Variants in DNM1L observed in about 807,000 individuals in gnomAD.
DNM1L encodes dynamin 1L.
Under a neutral mutation model 92.8 loss-of-function variants are expected in DNM1L, and 33 were observed. The observed-to-expected ratio is 0.36, with a 90% CI of 0.27 to 0.48. The LOEUF is 0.48. DNM1L is among the 20% of genes least tolerant of loss of function. The probability of loss-of-function intolerance (pLI) is 0.99; values close to 1 mark genes in which losing one functional copy is unlikely to be tolerated. For missense variants in DNM1L, 485 were observed against 888.8 expected (o/e 0.55, Z 5.78); for synonymous variants, 284 against 305.0 (o/e 0.93, Z 0.72).
chr12:32,686,746 C>A (rs949445878), intron 1 of DNM1L, among the ~76,000 whole-genome samples: 3 of 152,160 alleles, frequency 2.0e-5, no homozygotes, highest in Non-Finnish European at 4.4e-5. Context: ...AAAATTCCCA[C>A]CAGCAATGTT....
At chr12:32,735,139 A>C (rs118168732) in intron 13 of DNM1L, among the ~76,000 whole-genome samples, 4,185 of 152,328 alleles carry the variant, frequency 0.027, 71 homozygotes, top group Non-Finnish European at 0.043. Flanking sequence ...TGACAAGGTC[A>C]TATGTGATAT....
chr12:32,690,657 CAT>C (rs1231722168), intron 1 of DNM1L, among the ~76,000 whole-genome samples: 2 of 152,128 alleles, frequency 1.3e-5, no homozygotes, highest in African/African-American at 4.8e-5. Flanking sequence ...TCAGCTAACT[CAT>C]ATATAAAGTG....
rs1955440096 is a variant in DNM1L at position 32,743,225 on chromosome 12, GAT to G, written c.2155-126_2155-125del. The G allele has an allele frequency of 5.7e-5, 45 of 791,982 alleles. 2 individuals carry two copies. The South Asian group carries it at 6.1e-4, about 11-fold the overall frequency. 49.1% of individuals were successfully genotyped at this position (791,982 alleles called of 1,614,324 possible). A position where few individuals can be genotyped will look rare whatever the true frequency, so the allele number is the denominator to read the frequency against. Reference sequence around the variant, plus strand: ...TTGATTAGATTCTAATTCCAGAGAAGATATTGGTTAGTATAAACTGGTTAGTT... The same window carrying G: ...TTGATTAGATTCTAATTCCAGAGAAGATTGGTTAGTATAAACTGGTTAGTT... On this transcript the variant is annotated intron_variant, in intron 19 of 19. Transcript: ENST00000549701.
At chr12:32,696,600 TA>T (rs5797485) in intron 1 of DNM1L, among the ~76,000 whole-genome samples, 6,274 of 140,906 alleles carry the variant, frequency 0.045, 417 homozygotes, top group African/African-American at 0.15. Context: ...ACAGTGTCTC[TA>T]AAAAAAAAAA....
At chr12:32,710,624 A>G (rs1453982406) in intron 4 of DNM1L, among the ~76,000 whole-genome samples, 2 of 151,804 alleles carry the variant, frequency 1.3e-5, no homozygotes, top group Non-Finnish European at 2.9e-5. Context: ...GTCTCAAAAA[A>G]AAAAAAAAAA....
At chr12:32,679,614 T>C in intron 1 of DNM1L, 149 bp downstream of exon 1, 1 of 1,358,952 alleles carries the variant, frequency 7.4e-7, no homozygotes, top group Non-Finnish European at 9.5e-7. Context: ...GCCCCAGGGC[T>C]CTCCGGGCTC....
intron 9 of DNM1L, among the ~76,000 whole-genome samples, chr12:32,724,608 ATATATATATAT>A (rs1954003851): frequency 2.1e-5 from 3 of 142,896 alleles, no homozygotes; most frequent in Non-Finnish European, 4.6e-5. Context: ...ATATATATAT[ATATATATATAT>A]AAATTATATT....
intron 7 of DNM1L, among the ~76,000 whole-genome samples, chr12:32,719,772 G>A (rs1194189924): frequency 6.6e-6 from 1 of 152,152 alleles, no homozygotes; most frequent in Non-Finnish European, 1.5e-5. Context: ...TGAGCAATTT[G>A]CAAATGGTAT....
Position 32,740,204 on chromosome 12 carries a change from T to A in DNM1L, c.1848T>A (p.Ser616Arg). The change falls in exon 17 of 20, where the codon AGT becomes AGA. Residue 616 changes from serine (S) to arginine (R), a missense_variant. Physicochemically the swap from Ser to Arg is moderately radical, Grantham distance 110 (BLOSUM62 -1). Coordinates refer to ENST00000549701, the MANE Select transcript of DNM1L (RefSeq NM_012062.5). ...KSKPIPIMPASPQKGHAVNLL... is the reference protein window; with the variant it reads ...KSKPIPIMPARPQKGHAVNLL... ...AACCCATTCCAATTATGCCAGCCAG[T>A]CCACAAAAAGGTCATGCCGTGAACC... 2 of 1,614,150 alleles carry A rather than the reference T, an allele frequency of 1.2e-6. No individual in the cohort carries two copies. The highest frequency in any genetic ancestry group is 2.2e-5 in the East Asian group (1 of 44,886).
chr12:32,743,675 TAA>T lies in DNM1L; in HGVS notation c.*269_*270del, dbSNP rs1262228375. 6.3e-6 allele frequency: 3 copies of T among 473,938 alleles called. No homozygotes were observed. The East Asian group carries it at 1.1e-4, about 17-fold the overall frequency. The allele number at this position is 473,938 out of a possible 1,614,324, so 29.4% of individuals were successfully genotyped here. On this transcript the variant is annotated 3_prime_UTR_variant, in exon 20 of 20. Coordinates refer to ENST00000549701, the MANE Select transcript of DNM1L (RefSeq NM_012062.5). The stretch of plus-strand genomic sequence containing the variant: ...GTGACAGTTTCATCTGAACTTAACT[TAA>T]AAACAACTGTTAATGTTCTAGTTGT...
At chr12:32,735,504 C>T (rs565854539) in intron 13 of DNM1L, among the ~76,000 whole-genome samples, 2 of 152,190 alleles carry the variant, frequency 1.3e-5, no homozygotes, top group East Asian at 1.9e-4. Context: ...CTTTTATTAT[C>T]TGTTATTTTT....
At chr12:32,723,306 T>C (rs943218366) in intron 9 of DNM1L, among the ~76,000 whole-genome samples, 1 of 152,162 alleles carries the variant, frequency 6.6e-6, no homozygotes, top group African/African-American at 2.4e-5. Flanking sequence ...CACATCCCCA[T>C]TATATAACAA....
At chr12:32,736,445 A>G (rs746150205) in intron 13 of DNM1L, among the ~76,000 whole-genome samples, 1 of 152,162 alleles carries the variant, frequency 6.6e-6, no homozygotes, top group Non-Finnish European at 1.5e-5. Flanking sequence ...TGAATTTGTC[A>G]GTTTCTTTAG....
intron 7 of DNM1L, 29 bp downstream of exon 7, chr12:32,718,792 G>A: frequency 1.2e-6 from 2 of 1,611,818 alleles, no homozygotes; most frequent in Non-Finnish European, 1.7e-6. Context: ...ATAAGAATTG[G>A]GATAAGCATT....
chr12:32,702,330 A>G (rs1418338500), intron 2 of DNM1L, among the ~76,000 whole-genome samples: 2 of 151,486 alleles, frequency 1.3e-5, no homozygotes, highest in Admixed American at 6.6e-5. Flanking sequence ...TGCTGTGTCT[A>G]TCAGCAGATT....
At chr12:32,695,276 T>C (rs1462854889) in intron 1 of DNM1L, among the ~76,000 whole-genome samples, 2 of 152,142 alleles carry the variant, frequency 1.3e-5, no homozygotes, top group Admixed American at 6.6e-5. Flanking sequence ...TTGTCAAATG[T>C]CATGCAAATT....
At chr12:32,727,059 A>G (rs1327144125) in intron 9 of DNM1L, 4 of 729,628 alleles carry the variant, frequency 5.5e-6, no homozygotes, top group Non-Finnish European at 1.0e-5. Flanking sequence ...AAATTCAGGA[A>G]TTCCTTTGGG....
Position 32,731,745 on chromosome 12 carries a change from T to G in DNM1L, c.1357-109T>G. The G allele has an allele frequency of 2.0e-6, 2 of 1,024,874 alleles. No homozygotes were observed. Among genetic ancestry groups the G allele is most frequent in the Non-Finnish European group, 3.0e-6 (2 of 668,930 alleles). The allele number at this position is 1,024,874 out of a possible 1,614,324, so 63.5% of individuals were successfully genotyped here. A position where few individuals can be genotyped will look rare whatever the true frequency, so the allele number is the denominator to read the frequency against. On this transcript the variant is annotated intron_variant, in intron 11 of 19. Coordinates refer to ENST00000549701, the MANE Select transcript of DNM1L (RefSeq NM_012062.5). This position sits in a 1 kb window ranked among gnomAD's most constrained non-coding sequence, Gnocchi z 5.1. The stretch of plus-strand genomic sequence containing the variant: ...TTAGCCTGGCATGGTGGCTTCTACA[T>G]GTAGTCTCAGCTACTTGGGAGGCTA...
intron 1 of DNM1L, among the ~76,000 whole-genome samples, chr12:32,698,373 C>G (rs1301565389): frequency 6.6e-6 from 1 of 152,140 alleles, no homozygotes; most frequent in Non-Finnish European, 1.5e-5. Flanking sequence ...TATGTAGGAG[C>G]CTTGGGCTGG....
Sources: gnomAD v4.1 joint callset for allele counts (sites outside exome capture counted in the v4.1 genomes callset) on GRCh38, gnomAD v4.1.1 for gene constraint, Gnocchi (gnomAD v3.1) non-coding constraint, MANE v1.5 for transcripts, NCBI Gene and HGNC (gene_info 2026-07-23, HGNC 2026-07-21) for gene names.